The following SGIP1 variants were observed in gnomAD, a reference collection of about 807,000 sequenced individuals.
SGIP1 encodes the protein SH3GL interacting endocytic adaptor 1.
SGIP1 carries 38 observed loss-of-function variants against 107.5 expected under a neutral mutation model. That is an observed-to-expected ratio of 0.35 (90% CI 0.27 to 0.46). SGIP1 has a LOEUF of 0.46. Among genes scored for constraint, SGIP1 ranks in the 20% least tolerant of loss-of-function variants. The probability of loss-of-function intolerance (pLI) is 1.00; values close to 1 mark genes in which losing one functional copy is unlikely to be tolerated. For missense variants in SGIP1, 929 were observed against 1,019.5 expected (o/e 0.91, Z 1.21); for synonymous variants, 365 against 366.1 (o/e 1.00, Z 0.03).
intron 1 of SGIP1, among the ~76,000 whole-genome samples, 166 bp from the exon 2 acceptor site, chr1:66,625,681 T>C: frequency 6.6e-6 from 1 of 152,218 alleles, no homozygotes; most frequent in East Asian, 1.9e-4. Context: ...TGAAAAAATG[T>C]AATAATGAAT....
intron 6 of SGIP1, among the ~76,000 whole-genome samples, chr1:66,643,240 C>T (rs933208524): frequency 7.9e-5 from 12 of 152,204 alleles, no homozygotes; most frequent in Non-Finnish European, 1.6e-4. Flanking sequence ...CAGCCTTCCT[C>T]TCTCTGTAGA....
chr1:66,717,451 C>T (rs2093309842), intron 18 of SGIP1, among the ~76,000 whole-genome samples: 1 of 152,052 alleles, frequency 6.6e-6, no homozygotes, highest in Non-Finnish European at 1.5e-5. Context: ...AGTGAAAGGC[C>T]AATATCATCC....
At chr1:66,562,502 C>G (rs118190696) in intron 1 of SGIP1, among the ~76,000 whole-genome samples, 2 of 151,846 alleles carry the variant, frequency 1.3e-5, no homozygotes, top group Non-Finnish European at 2.9e-5. Context: ...AGTGGAAGCA[C>G]GAAGCTGAGA....
At chr1:66,551,254 A>G (rs1367151317) in intron 1 of SGIP1, among the ~76,000 whole-genome samples, 1 of 152,158 alleles carries the variant, frequency 6.6e-6, no homozygotes, top group Non-Finnish European at 1.5e-5. Flanking sequence ...ACTTTAATGA[A>G]TGATGTTGGA....
At chr1:66,537,867 C>T (rs1397139435) in intron 1 of SGIP1, among the ~76,000 whole-genome samples, 1 of 152,024 alleles carries the variant, frequency 6.6e-6, no homozygotes, top group African/African-American at 2.4e-5. Flanking sequence ...TTTGAACCTA[C>T]ATCCATTTAA....
chr1:66,682,978 G>C (rs544370454), intron 15 of SGIP1, among the ~76,000 whole-genome samples: 4 of 152,242 alleles, frequency 2.6e-5, no homozygotes, highest in African/African-American at 9.6e-5. Flanking sequence ...ATCCAATCAA[G>C]CTGTCACTGA....
At chr1:66,704,356 C>T (rs1478268016) in intron 18 of SGIP1, 1 of 152,034 alleles carries the variant, frequency 6.6e-6, no homozygotes, top group Non-Finnish European at 1.5e-5. Context: ...TGCTGTACAC[C>T]CTTTGCCTCT....
At chr1:66,680,096 T>C (rs1219898646) in intron 14 of SGIP1, among the ~76,000 whole-genome samples, 1 of 152,216 alleles carries the variant, frequency 6.6e-6, no homozygotes, top group Non-Finnish European at 1.5e-5. Context: ...GATTTACAAA[T>C]TCATAGTCTC....
chr1:66,585,272 C>T (rs938496323), intron 1 of SGIP1, among the ~76,000 whole-genome samples: 1 of 152,040 alleles, frequency 6.6e-6, no homozygotes, highest in Non-Finnish European at 1.5e-5. Context: ...TTTGACAGTC[C>T]TCTATAATCT....
intron 12 of SGIP1, among the ~76,000 whole-genome samples, 188 bp from the exon 13 acceptor site, chr1:66,676,816 A>G (rs2085474973): frequency 1.3e-5 from 2 of 152,002 alleles, no homozygotes; most frequent in African/African-American, 4.8e-5. Flanking sequence ...ACCCACACTC[A>G]CACCACACTC....
At chr1:66,570,134 G>C (rs771128609) in intron 1 of SGIP1, among the ~76,000 whole-genome samples, 4 of 151,716 alleles carry the variant, frequency 2.6e-5, no homozygotes, top group Non-Finnish European at 5.9e-5. Context: ...AGCCTGGCTA[G>C]AGGCTTATAG....
intron 1 of SGIP1, among the ~76,000 whole-genome samples, chr1:66,608,539 T>C (rs2067294623): frequency 6.6e-6 from 1 of 152,228 alleles, no homozygotes; most frequent in African/African-American, 2.4e-5. Flanking sequence ...TAACACACTG[T>C]GCTATAATTC....
intron 1 of SGIP1, among the ~76,000 whole-genome samples, chr1:66,588,404 A>C (rs2062990123): frequency 6.6e-6 from 1 of 152,006 alleles, no homozygotes; most frequent in African/African-American, 2.4e-5. Context: ...AACTTCCCCT[A>C]CTTCACTGGA....
chr1:66,583,273 T>C (rs1569998547), intron 1 of SGIP1, among the ~76,000 whole-genome samples: 2 of 152,130 alleles, frequency 1.3e-5, no homozygotes, highest in East Asian at 3.8e-4. Flanking sequence ...AAAGTTGGGA[T>C]ACATCTAAAA....
intron 1 of SGIP1, among the ~76,000 whole-genome samples, chr1:66,620,234 GT>G (rs1225421009): frequency 6.6e-6 from 1 of 152,096 alleles, no homozygotes; most frequent in Non-Finnish European, 1.5e-5. Flanking sequence ...TTTTTAGTTA[GT>G]TTAGGGAAGC....
intron 20 of SGIP1, among the ~76,000 whole-genome samples, chr1:66,732,921 G>A (rs2094081361): frequency 1.3e-5 from 2 of 152,164 alleles, no homozygotes; most frequent in South Asian, 4.1e-4. Flanking sequence ...TGTGTGACAA[G>A]TAACTGAATC....
chr1:66,667,181 C>T (rs1457336054), intron 8 of SGIP1, among the ~76,000 whole-genome samples: 1 of 148,404 alleles, frequency 6.7e-6, no homozygotes, highest in Non-Finnish European at 1.5e-5. Context: ...CTCTAAGTAC[C>T]CCCCCCCAAA....
chr1:66,597,743 G>C (rs1016107884), intron 1 of SGIP1, among the ~76,000 whole-genome samples: 2 of 151,974 alleles, frequency 1.3e-5, no homozygotes, highest in South Asian at 4.2e-4. Context: ...TCAGAGTATG[G>C]GACTTTCTAG....
At chr1:66,639,919 T>C in intron 5 of SGIP1, 86 bp downstream of exon 5, 1 of 1,065,368 alleles carries the variant, frequency 9.4e-7, no homozygotes, top group Non-Finnish European at 1.4e-6. Flanking sequence ...GACTTAGAAA[T>C]AAGCGAAATG....
Sources: allele counts gnomAD v4.1 joint callset (sites outside exome capture counted in the v4.1 genomes callset), GRCh38; gene constraint gnomAD v4.1.1; transcripts MANE v1.5; gene names NCBI Gene and HGNC (gene_info 2026-07-23, HGNC 2026-07-21).